Variants in PBX1 observed in about 807,000 individuals in gnomAD.
The protein encoded by PBX1 is pre-B-cell leukemia transcription factor 1.
In PBX1, 6 loss-of-function variants were observed where a neutral mutation model predicts 53.4. That is an observed-to-expected ratio of 0.11 (90% CI 0.06 to 0.22). PBX1 has a LOEUF of 0.22. Ranked by LOEUF, PBX1 falls within the 10% of genes least tolerant of loss-of-function variation. The pLI is 1.00. For missense variants in PBX1, 251 were observed against 551.4 expected, an observed-to-expected ratio of 0.46 and a Z score of 5.46; for synonymous variants, 204 against 212.3, an observed-to-expected ratio of 0.96 and a Z score of 0.34.
intron 2 of PBX1, among the ~76,000 whole-genome samples, chr1:164,779,589 A>G (rs1465142333): frequency 6.6e-6 from 1 of 152,202 alleles, no homozygotes; most frequent in African/African-American, 2.4e-5. Flanking sequence ...AGATGACCAT[A>G]TGTCTGTTAC....
intron 2 of PBX1, among the ~76,000 whole-genome samples, chr1:164,601,393 C>T (rs1267603801): frequency 6.6e-6 from 1 of 152,030 alleles, no homozygotes; most frequent in African/African-American, 2.4e-5. Context: ...AACTCTAGTT[C>T]TTTCTGAGGC....
chr1:164,661,715 C>T (rs1466122691), intron 2 of PBX1, among the ~76,000 whole-genome samples: 2 of 152,166 alleles, frequency 1.3e-5, no homozygotes, highest in Non-Finnish European at 2.9e-5. Context: ...GCGTGAGCCA[C>T]TGTGCCCAGC....
intron 2 of PBX1, among the ~76,000 whole-genome samples, chr1:164,739,214 C>G (rs192529821): frequency 2.0e-5 from 3 of 152,194 alleles, no homozygotes; most frequent in African/African-American, 4.8e-5. Flanking sequence ...CAATCATAGA[C>G]GTACACTCGC....
At chr1:164,701,166 G>A (rs1663099643) in intron 2 of PBX1, among the ~76,000 whole-genome samples, 1 of 152,104 alleles carries the variant, frequency 6.6e-6, no homozygotes, top group Non-Finnish European at 1.5e-5. Flanking sequence ...AGGATACATA[G>A]AGTGGTAAGA....
chr1:164,596,401 C>G lies in PBX1; in HGVS notation c.265+33090C>G, dbSNP rs190278819. On this transcript the variant is annotated intron_variant, in intron 2 of 8. Transcript: ENST00000420696. ...ACTCATTAACTTTTATATGCCTGTT[C>G]CTTACAAAGGCATTTTTAGTTTCAA... 2.5e-3 allele frequency among the ~76,000 whole-genome samples: 382 copies of G among 152,282 alleles called. 2 individuals carry two copies. In the South Asian group the frequency reaches 0.028, roughly 11 times the overall value.
Position 164,560,297 on chromosome 1 carries a change from A to G in PBX1, c.191+284A>G, listed in dbSNP as rs992896144. 1.2e-4 allele frequency: 47 copies of G among 399,886 alleles called. 1 individual carries two copies. Among genetic ancestry groups the G allele is most frequent in the Non-Finnish European group, 9.7e-5 (22 of 226,950 alleles). The allele number at this position is 399,886 out of a possible 1,614,324, so 24.8% of individuals were successfully genotyped here. On this transcript the variant is annotated intron_variant, in intron 1 of 8. Transcript: ENST00000420696. ...CCACACAAACACACAGGCATGCCGAAAATACTGCCAACTGATCCAAAAGCG... is the reference window on the plus strand; with the variant it reads ...CCACACAAACACACAGGCATGCCGAGAATACTGCCAACTGATCCAAAAGCG...
intron 2 of PBX1, among the ~76,000 whole-genome samples, chr1:164,645,284 C>T (rs1659387052): frequency 6.6e-6 from 1 of 152,170 alleles, no homozygotes; most frequent in Non-Finnish European, 1.5e-5. Flanking sequence ...AAGGTGTCCG[C>T]CAGCAGAGGC....
intron 2 of PBX1, among the ~76,000 whole-genome samples, chr1:164,857,112 C>T (rs983989662): frequency 6.6e-6 from 1 of 152,160 alleles, no homozygotes; most frequent in Non-Finnish European, 1.5e-5. Flanking sequence ...TTTAAGGGCT[C>T]AGTCCCACAA....
At chr1:164,761,581 A>T (rs1666816601) in intron 2 of PBX1, among the ~76,000 whole-genome samples, 1 of 151,968 alleles carries the variant, frequency 6.6e-6, no homozygotes. Flanking sequence ...TGTAGCTGGG[A>T]CTACAGGTGC....
intron 2 of PBX1, among the ~76,000 whole-genome samples, chr1:164,776,978 A>AGAGAGAGAGAGGGGGTGTG (rs1553244687): frequency 2.2e-5 from 1 of 46,444 alleles, no homozygotes; most frequent in East Asian, 9.4e-4. Context: ...AGAGAGAGAG[A>AGAGAGAGAGAGGGGGTGTG]GGAGGTGTGG....
chr1:164,780,142 G>A (rs1163949647), intron 2 of PBX1, among the ~76,000 whole-genome samples: 2 of 152,064 alleles, frequency 1.3e-5, no homozygotes, highest in African/African-American at 4.8e-5. Context: ...TCCATCTCCA[G>A]TGCACAGAAA....
chr1:164,783,053 G>C (rs576134807), intron 2 of PBX1, among the ~76,000 whole-genome samples: 1 of 152,288 alleles, frequency 6.6e-6, no homozygotes, highest in African/African-American at 2.4e-5. Context: ...GATTACTTCA[G>C]AACTAAGTGG....
At chr1:164,798,205 T>G (rs1321200593) in intron 3 of PBX1, among the ~76,000 whole-genome samples, 1 of 152,242 alleles carries the variant, frequency 6.6e-6, no homozygotes, top group African/African-American at 2.4e-5. Flanking sequence ...AAGGATTTCT[T>G]AGATAAATAA....
intron 2 of PBX1, among the ~76,000 whole-genome samples, chr1:164,634,047 G>C (rs1460841272): frequency 6.6e-6 from 1 of 152,248 alleles, no homozygotes; most frequent in Non-Finnish European, 1.5e-5. Context: ...AGCCGTGGAT[G>C]AACAGTTTCT....
At chr1:164,713,171 A>T (rs953960670) in intron 2 of PBX1, among the ~76,000 whole-genome samples, 2 of 152,104 alleles carry the variant, frequency 1.3e-5, no homozygotes, top group African/African-American at 2.4e-5. Flanking sequence ...GTTTTCAGAG[A>T]AGTTTCTGCC....
intron 2 of PBX1, among the ~76,000 whole-genome samples, chr1:164,685,956 C>G (rs995614580): frequency 6.6e-6 from 1 of 152,178 alleles, no homozygotes; most frequent in African/African-American, 2.4e-5. Flanking sequence ...GTGAGTGTTA[C>G]AAAGTGCAGC....
downstream of PBX1, among the ~76,000 whole-genome samples, chr1:164,853,695 G>A (rs1393894489): frequency 6.6e-6 from 1 of 152,176 alleles, no homozygotes; most frequent in Admixed American, 6.5e-5. Flanking sequence ...GAGAGCTGCA[G>A]TACGTTAGGG....
At chr1:164,632,539 A>C (rs1189969290) in intron 2 of PBX1, among the ~76,000 whole-genome samples, 1 of 152,152 alleles carries the variant, frequency 6.6e-6, no homozygotes. Flanking sequence ...ATAGTTTCAT[A>C]ATCCATGAAT....
At chr1:164,703,324 CTGTTCTTATCTTCTG>C (rs1485317658) in intron 2 of PBX1, 1 of 152,198 alleles carries the variant, frequency 6.6e-6, no homozygotes, top group Admixed American at 6.5e-5. Flanking sequence ...CTACAAAAAT[CTGTTCTTATCTTCTG>C]TGCCTTTTTC....
Sources: allele counts gnomAD v4.1 joint callset (sites outside exome capture counted in the v4.1 genomes callset), GRCh38; gene constraint gnomAD v4.1.1; transcripts MANE v1.5; gene names NCBI Gene and HGNC (gene_info 2026-07-23, HGNC 2026-07-21).